Variants in CACNA2D3 observed in about 807,000 individuals in gnomAD.
The protein encoded by CACNA2D3 is calcium voltage-gated channel auxiliary subunit alpha2delta 3, also known as voltage-dependent calcium channel subunit alpha-2/delta-3.
Under a neutral mutation model 160.6 loss-of-function variants are expected in CACNA2D3, and 60 were observed. The observed-to-expected ratio is 0.37, with a 90% CI of 0.30 to 0.46. The LOEUF is 0.46. CACNA2D3 is among the 20% of genes least tolerant of loss of function. The probability of loss-of-function intolerance (pLI) is 1.00; values close to 1 mark genes in which losing one functional copy is unlikely to be tolerated. For missense variants in CACNA2D3, 1,205 were observed against 1,365.0 expected (o/e 0.88, Z 1.85); for synonymous variants, 558 against 492.9 (o/e 1.13, Z -1.75).
Position 54,862,889 on chromosome 3 carries a change from A to G in CACNA2D3, c.1627-8650A>G, listed in dbSNP as rs575120765. ...AAGTCAATGTTTTTGCAGTTTCAAA[A>G]CTAGAATCAATTAGTTGTCCCTAAT... is the stretch of plus-strand genomic sequence containing the variant. On this transcript the variant is annotated intron_variant, in intron 17 of 37. Transcript: ENST00000474759. Among the ~76,000 whole-genome samples the G allele has an allele frequency of 3.9e-5, 6 of 152,336 alleles. No homozygotes were observed. The East Asian group carries it at 1.2e-3, about 29-fold the overall frequency.
At chr3:54,579,068 C>A (rs1315416511) in intron 8 of CACNA2D3, among the ~76,000 whole-genome samples, 1 of 152,038 alleles carries the variant, frequency 6.6e-6, no homozygotes, top group African/African-American at 2.4e-5. Flanking sequence ...CTGTACAACC[C>A]CAGGAATCAA....
At chr3:54,562,122 T>C (rs1702335365) in intron 5 of CACNA2D3, among the ~76,000 whole-genome samples, 1 of 152,034 alleles carries the variant, frequency 6.6e-6, no homozygotes, top group South Asian at 2.1e-4. Flanking sequence ...GAGATTTGGG[T>C]GGGGACATAG....
chr3:54,326,285 A>G (rs749457662), intron 3 of CACNA2D3, among the ~76,000 whole-genome samples: 3 of 152,174 alleles, frequency 2.0e-5, no homozygotes, highest in Admixed American at 6.5e-5. Context: ...ATTTACGCCA[A>G]TCTTCCAAAA....
At chr3:54,863,310 T>C (rs1257361775) in intron 17 of CACNA2D3, among the ~76,000 whole-genome samples, 1 of 152,190 alleles carries the variant, frequency 6.6e-6, no homozygotes, top group Non-Finnish European at 1.5e-5. Context: ...ATCTTTATTT[T>C]GCATGCCCAT....
At chr3:54,958,919 C>T (rs1380620941) in intron 27 of CACNA2D3, among the ~76,000 whole-genome samples, 3 of 151,990 alleles carry the variant, frequency 2.0e-5, no homozygotes, top group African/African-American at 7.2e-5. Context: ...GCCTGGGCAA[C>T]ATGGCAAAAC....
intron 11 of CACNA2D3, among the ~76,000 whole-genome samples, chr3:54,729,979 A>G (rs1349473318): frequency 6.9e-6 from 1 of 145,750 alleles, no homozygotes; most frequent in East Asian, 2.0e-4. Flanking sequence ...AACCTGGACA[A>G]CAGAGCAAGA....
intron 2 of CACNA2D3, among the ~76,000 whole-genome samples, chr3:54,211,947 A>G (rs1018701824): frequency 1.3e-5 from 2 of 152,130 alleles, no homozygotes; most frequent in Non-Finnish European, 2.9e-5. Context: ...TTGAAATAAT[A>G]TGAGTTTATT....
chr3:54,317,487 G>A (rs1366717445), intron 2 of CACNA2D3, among the ~76,000 whole-genome samples: 2 of 152,196 alleles, frequency 1.3e-5, no homozygotes, highest in Non-Finnish European at 2.9e-5. Flanking sequence ...ATGGCAGGTG[G>A]TAGAAGGGCA....
At chr3:55,073,881 G>C (rs759591590) in intron 37 of CACNA2D3, 22 bp downstream of exon 37, 3 of 1,596,568 alleles carry the variant, frequency 1.9e-6, no homozygotes, top group Admixed American at 3.4e-5. Context: ...AACTGTTCCT[G>C]TTTCCTTTTC....
At chr3:54,405,237 A>G (rs1412425527) in intron 4 of CACNA2D3, among the ~76,000 whole-genome samples, 2 of 150,646 alleles carry the variant, frequency 1.3e-5, no homozygotes, top group East Asian at 1.9e-4. Context: ...GTGGAACCAC[A>G]TTAAACCCTG....
intron 17 of CACNA2D3, among the ~76,000 whole-genome samples, chr3:54,862,167 T>A (rs2106802206): frequency 6.6e-6 from 1 of 152,168 alleles, no homozygotes; most frequent in African/African-American, 2.4e-5. Context: ...AAGCACAGTA[T>A]CCTCAGAGGG....
chr3:54,892,511 T>C (rs1028091271), intron 25 of CACNA2D3, among the ~76,000 whole-genome samples: 8 of 152,252 alleles, frequency 5.3e-5, no homozygotes, highest in African/African-American at 1.9e-4. Flanking sequence ...AGATTGGCTT[T>C]GAATTCTGTT....
chr3:54,876,991 C>T (rs1699675561), intron 18 of CACNA2D3: 1 of 152,150 alleles, frequency 6.6e-6, no homozygotes, highest in African/African-American at 2.4e-5. Context: ...AGTGGCAAAA[C>T]TTGAACATCG....
intron 2 of CACNA2D3, among the ~76,000 whole-genome samples, chr3:54,291,900 T>C (rs1185824567): frequency 6.6e-6 from 1 of 152,186 alleles, no homozygotes; most frequent in Non-Finnish European, 1.5e-5. Context: ...AATGTAACAC[T>C]TACAATCCAG....
At chr3:54,165,600 T>TAAAAAAAAAA (rs373085382) in intron 2 of CACNA2D3, among the ~76,000 whole-genome samples, 1 of 93,428 alleles carries the variant, frequency 1.1e-5, no homozygotes, top group Non-Finnish European at 2.2e-5. Flanking sequence ...GTTCCATCTC[T>TAAAAAAAAAA]AAAAAAAAAA....
At chr3:54,531,608 A>G (rs1701806124) in intron 5 of CACNA2D3, among the ~76,000 whole-genome samples, 1 of 152,174 alleles carries the variant, frequency 6.6e-6, no homozygotes. Flanking sequence ...TGAGGGCGGC[A>G]TCTCTTGCTG....
At chr3:54,164,500 G>A (rs1396754696) in intron 2 of CACNA2D3, among the ~76,000 whole-genome samples, 1 of 152,222 alleles carries the variant, frequency 6.6e-6, no homozygotes, top group African/African-American at 2.4e-5. Flanking sequence ...CTCAACCCCT[G>A]TGTTTCCTCT....
At chr3:54,626,397 G>A (rs561529493) in intron 9 of CACNA2D3, 2 of 1,573,620 alleles carry the variant, frequency 1.3e-6, no homozygotes, top group East Asian at 2.3e-5. Context: ...GCCTGCGCAA[G>A]GCCAAGAAGG....
intron 17 of CACNA2D3, among the ~76,000 whole-genome samples, chr3:54,856,037 A>G (rs1322984654): frequency 6.6e-6 from 1 of 152,176 alleles, no homozygotes; most frequent in African/African-American, 2.4e-5. Context: ...ACGACATTGT[A>G]GAAATATCAT....
Sources: gnomAD v4.1 joint callset for allele counts (sites outside exome capture counted in the v4.1 genomes callset) on GRCh38, gnomAD v4.1.1 for gene constraint, MANE v1.5 for transcripts, NCBI Gene and HGNC (gene_info 2026-07-23, HGNC 2026-07-21) for gene names.